Variants in SPTBN4 observed in about 807,000 individuals in gnomAD.
SPTBN4 encodes spectrin beta chain, non-erythrocytic 4.
SPTBN4 carries 96 observed loss-of-function variants against 277.8 expected under a neutral mutation model. The observed-to-expected ratio is 0.35, with a 90% CI of 0.29 to 0.41. The LOEUF (loss-of-function observed/expected upper bound fraction) is 0.41. Ranked by LOEUF, SPTBN4 falls within the 10% of genes least tolerant of loss-of-function variation. The probability of loss-of-function intolerance (pLI) is 1.00; values close to 1 mark genes in which losing one functional copy is unlikely to be tolerated. For synonymous variants in SPTBN4, 1,481 were observed against 1,580.3 expected (o/e 0.94, Z 1.49); for missense variants, 3,006 against 3,595.7 (o/e 0.84, Z 4.19).
chr19:40,509,290 G>A (rs1436300706), intron 13 of SPTBN4, among the ~76,000 whole-genome samples: 2 of 151,924 alleles, frequency 1.3e-5, no homozygotes, highest in Non-Finnish European at 2.9e-5. Flanking sequence ...TTGTTGTCCA[G>A]GCCAGATTGC....
chr19:40,564,526 T>C (rs1272734322), intron 27 of SPTBN4, among the ~76,000 whole-genome samples: 1 of 152,074 alleles, frequency 6.6e-6, no homozygotes, highest in East Asian at 1.9e-4. Flanking sequence ...TTCAGAAGCA[T>C]AGCTAGAAAA....
rs1359583021 is a variant in SPTBN4 at position 40,565,676 on chromosome 19, G to A, written c.6070G>A (p.Asp2024Asn). The A allele has an allele frequency of 6.4e-7, 1 of 1,555,916 alleles. No individual in the cohort carries two copies. The highest frequency in any genetic ancestry group is 1.9e-5 in the Admixed American group (1 of 51,388). ...CCACTCCCAGATCCAGGCACAGCTG[G>A]ACAAGCTGGGAACCAGGAAGGAGGA... ...AMADEIQAQL[D>N]KLGTRKEEVS... The change falls in exon 29 of 36, where the codon GAC (aspartate) becomes AAC (asparagine). Residue 2024 changes from aspartate to asparagine, a missense_variant. By Grantham distance (23) the Asp-to-Asn change is conservative. Around this residue, in one of 5 missense-constraint regions of SPTBN4, gnomAD observed 425 missense variants for 594.7 expected, o/e 0.71. Coordinates refer to ENST00000598249, the MANE Select transcript of SPTBN4 (RefSeq NM_020971.3).
chr19:40,468,451 A>G (rs1441200875), intron 1 of SPTBN4, among the ~76,000 whole-genome samples: 1 of 151,818 alleles, frequency 6.6e-6, no homozygotes, highest in Non-Finnish European at 1.5e-5. Flanking sequence ...ATCTCAGCTC[A>G]CTGCAACCTC....
chr19:40,530,078 C>A (rs1018604754), intron 18 of SPTBN4, among the ~76,000 whole-genome samples: 1 of 152,280 alleles, frequency 6.6e-6, no homozygotes, highest in South Asian at 2.1e-4. Flanking sequence ...CCCCTCGCCC[C>A]CACTGGAGAT....
chr19:40,472,014 G>T (rs1380266085), intron 1 of SPTBN4, among the ~76,000 whole-genome samples: 2 of 148,468 alleles, frequency 1.3e-5, no homozygotes, highest in Admixed American at 6.8e-5. Flanking sequence ...GGGTTCAAGC[G>T]CTTCTCCTGC....
In SPTBN4 at chr19:40,568,165, G is replaced by C. The variant is rs777508953; in HGVS notation, c.6839G>C (p.Ser2280Thr). ...QESAEHEAAHSLTLGRYEQME... is the reference protein window; with the variant it reads ...QESAEHEAAHTLTLGRYEQME... ...TCAGCGGAGCACGAGGCGGCACACA[G>C]CCTTACCCTGGGCCGCTATGAGCAG... The change falls in exon 31 of 36, where the codon AGC becomes ACC. Residue 2280 changes from serine to threonine, a missense_variant. By Grantham distance (58) the Ser-to-Thr change is moderately conservative (BLOSUM62 1). This residue lies in a region of SPTBN4 where 630 missense variants were observed against 677.6 expected (regional missense o/e 0.93). Transcript: ENST00000598249. 1.3e-5 allele frequency: 21 copies of C among 1,584,434 alleles called. No homozygotes were observed. In the African/African-American group the frequency reaches 2.6e-4, roughly 19 times the overall value.
chr19:40,570,335 C>T (rs2081141846), intron 32 of SPTBN4, 101 bp from the exon 33 acceptor site: 8 of 674,966 alleles, frequency 1.2e-5, no homozygotes, highest in Non-Finnish European at 1.8e-5. Flanking sequence ...AGACAAATGG[C>T]CCTGTAGACA....
intron 20 of SPTBN4, among the ~76,000 whole-genome samples, chr19:40,535,993 C>G (rs1288312348): frequency 6.6e-6 from 1 of 151,992 alleles, no homozygotes; most frequent in East Asian, 1.9e-4. Flanking sequence ...TAATTAGGTA[C>G]CTACTATGTG....
intron 17 of SPTBN4, 42 bp downstream of exon 17, chr19:40,523,681 G>A (rs1166513733): frequency 1.3e-6 from 2 of 1,560,140 alleles, no homozygotes; most frequent in African/African-American, 2.7e-5. Context: ...GGGGGCAGAA[G>A]ATGGGGCCCA....
At chr19:40,566,429 AGAC>A in intron 30 of SPTBN4, 70 bp downstream of exon 30, 2 of 1,336,460 alleles carry the variant, frequency 1.5e-6, no homozygotes, top group Non-Finnish European at 9.9e-7. Flanking sequence ...GCTCTATATG[AGAC>A]AGACACACCG....
chr19:40,518,663 A>T (rs571235704), intron 15 of SPTBN4, among the ~76,000 whole-genome samples: 3 of 152,214 alleles, frequency 2.0e-5, no homozygotes, highest in Non-Finnish European at 4.4e-5. Context: ...AGCTCAAGCG[A>T]TCCACCTGCT....
At chr19:40,567,205 C>G (rs763077321) in intron 30 of SPTBN4, 1 of 448,576 alleles carries the variant, frequency 2.2e-6, no homozygotes, top group Admixed American at 2.4e-5. Flanking sequence ...GACTGAGACT[C>G]GAGGATCACT....
At chr19:40,520,684 T>C (rs1216518951) in intron 16 of SPTBN4, among the ~76,000 whole-genome samples, 1 of 152,192 alleles carries the variant, frequency 6.6e-6, no homozygotes, top group Non-Finnish European at 1.5e-5. Context: ...CTATGGATTC[T>C]CTGGAGAGAG....
At chr19:40,484,042 G>A (rs577237908) in intron 2 of SPTBN4, among the ~76,000 whole-genome samples, 36 of 151,754 alleles carry the variant, frequency 2.4e-4, no homozygotes, top group Non-Finnish European at 4.0e-4. Context: ...TTACATCACC[G>A]CACTCCAGCC....
intron 1 of SPTBN4, among the ~76,000 whole-genome samples, chr19:40,469,084 GCAAT>G (rs1233055119): frequency 6.6e-6 from 1 of 150,548 alleles, no homozygotes; most frequent in Non-Finnish European, 1.5e-5. Context: ...GGGTGATAGA[GCAAT>G]ACCTTGTCTC....
At position 40,471,125 on chromosome 19, in the gene SPTBN4, T is replaced by A. The variant is rs185365961; in HGVS notation, c.-15-1482T>A. 3.9e-5 allele frequency among the ~76,000 whole-genome samples: 6 copies of A among 151,980 alleles called. No individual in the cohort carries two copies. The East Asian group carries it at 1.2e-3, about 29-fold the overall frequency. The stretch of plus-strand genomic sequence containing the variant: ...ACACCACGCCCAGCTAATTTTTGTA[T>A]TTTTAGAGACAGGGTTTCACCATGT... On this transcript the variant is annotated intron_variant, in intron 1 of 35. Transcript: ENST00000598249.
chr19:40,490,849 A>G lies in SPTBN4; in HGVS notation c.495+601A>G. Among the ~76,000 whole-genome samples, 1 of 152,054 alleles carries G rather than the reference A, an allele frequency of 6.6e-6. No individual in the cohort carries two copies. Among genetic ancestry groups the G allele is most frequent in the Non-Finnish European group, 1.5e-5 (1 of 68,014 alleles). On this transcript the variant is annotated intron_variant, in intron 4 of 35. Transcript: ENST00000598249. This position sits in a 1 kb window ranked among gnomAD's most constrained non-coding sequence, Gnocchi z 4.3. ...GGAACACTAAGGCCAGGAGTTTGAG[A>G]CCAGCCTGGCCAACATAATGAGACC...
At position 40,557,004 on chromosome 19, in the gene SPTBN4, C is replaced by A. The variant is rs571213140; in HGVS notation, c.5290-19C>A. ...TTTGCTCACTTTGCTGTACCCCCCC[C>A]CCCACTTCCTGATGGCAGGTGCTGC... On this transcript the variant is annotated intron_variant, in intron 25 of 35. Coordinates refer to ENST00000598249, the MANE Select transcript of SPTBN4 (RefSeq NM_020971.3). 1.7e-5 allele frequency: 26 copies of A among 1,528,190 alleles called. No homozygotes were observed. Among genetic ancestry groups the A allele is most frequent in the South Asian group, 6.4e-5 (5 of 78,148 alleles). The allele number at this position is 1,528,190 out of a possible 1,614,324, so 94.7% of individuals were successfully genotyped here.
At chr19:40,535,551 A>G (rs2145902981) in intron 20 of SPTBN4, among the ~76,000 whole-genome samples, 1 of 142,528 alleles carries the variant, frequency 7.0e-6, no homozygotes, top group East Asian at 2.0e-4. Context: ...TGCTTGGCAT[A>G]GTGTATGGCA....
Sources: allele counts gnomAD v4.1 joint callset (sites outside exome capture counted in the v4.1 genomes callset), GRCh38; gene constraint gnomAD v4.1.1; regional missense constraint gnomAD v4.1.1; non-coding constraint Gnocchi (gnomAD v3.1); transcripts MANE v1.5; gene names NCBI Gene and HGNC (gene_info 2026-07-23, HGNC 2026-07-21).